The following SRBD1 variants were observed in gnomAD, a reference collection of about 807,000 sequenced individuals.
SRBD1 encodes S1 RNA binding domain 1, also known as S1 RNA-binding domain-containing protein 1.
SRBD1 carries 88 observed loss-of-function variants against 115.3 expected under a neutral mutation model. The ratio of observed to expected loss-of-function variants is 0.76; its 90% CI spans 0.64 to 0.91. SRBD1 has a LOEUF of 0.91. Among genes scored for constraint, SRBD1 ranks in the 40% least tolerant of loss-of-function variants. The pLI is 0.00. For synonymous variants in SRBD1, 509 were observed against 407.7 expected, an observed-to-expected ratio of 1.25 and a Z score of -2.99; for missense variants, 1,385 against 1,177.4, an observed-to-expected ratio of 1.18 and a Z score of -2.58.
chr2:45,595,350 T>G (rs1673861734), intron 4 of SRBD1, among the ~76,000 whole-genome samples: 2 of 152,238 alleles, frequency 1.3e-5, no homozygotes, highest in African/African-American at 2.4e-5. Flanking sequence ...ATAAATGACA[T>G]TTCCACATGT....
At chr2:45,456,410 G>C (rs1361811459) in intron 16 of SRBD1, among the ~76,000 whole-genome samples, 2 of 151,872 alleles carry the variant, frequency 1.3e-5, no homozygotes, top group African/African-American at 2.4e-5. Flanking sequence ...TTTCTTGACA[G>C]TTAAGTGATG....
chr2:45,467,036 C>T (rs921718528), intron 16 of SRBD1, among the ~76,000 whole-genome samples: 1 of 152,176 alleles, frequency 6.6e-6, no homozygotes, highest in Non-Finnish European at 1.5e-5. Context: ...GCATTAGAGA[C>T]CAGTGGTTCT....
At chr2:45,532,852 AACT>A (rs1198235653) in intron 14 of SRBD1, among the ~76,000 whole-genome samples, 1 of 152,046 alleles carries the variant, frequency 6.6e-6, no homozygotes, top group Non-Finnish European at 1.5e-5. Context: ...TGAATTCAAG[AACT>A]ACTGTTTTCA....
chr2:45,517,917 C>T (rs1671170046), intron 14 of SRBD1, among the ~76,000 whole-genome samples: 1 of 151,918 alleles, frequency 6.6e-6, no homozygotes, highest in African/African-American at 2.4e-5. Context: ...TGGAGGATCC[C>T]TTGAGCCTGG....
At chr2:45,542,613 A>G (rs907747475) in intron 14 of SRBD1, among the ~76,000 whole-genome samples, 1 of 152,214 alleles carries the variant, frequency 6.6e-6, no homozygotes. Context: ...AGATGGTACA[A>G]CCATCTTGGG....
At chr2:45,395,253 G>A (rs776270497) in intron 19 of SRBD1, among the ~76,000 whole-genome samples, 11 of 152,268 alleles carry the variant, frequency 7.2e-5, no homozygotes, top group East Asian at 1.9e-4. Context: ...ATACTAATGC[G>A]CTGTAAGTCT....
At chr2:45,419,928 G>T in intron 16 of SRBD1, 34 bp from the exon 17 acceptor site, 3 of 1,575,680 alleles carry the variant, frequency 1.9e-6, no homozygotes, top group Non-Finnish European at 2.6e-6. Context: ...TAACAGTGAA[G>T]GAGATGTAGT....
chr2:45,536,466 T>C (rs1488148110), intron 14 of SRBD1, among the ~76,000 whole-genome samples: 1 of 152,086 alleles, frequency 6.6e-6, no homozygotes, highest in Non-Finnish European at 1.5e-5. Context: ...TGTTCTCTTT[T>C]CCATAAAATT....
chr2:45,436,163 CAT>C (rs1186030729), intron 16 of SRBD1, among the ~76,000 whole-genome samples: 1 of 151,954 alleles, frequency 6.6e-6, no homozygotes, highest in East Asian at 1.9e-4. Flanking sequence ...AAAAAAATCA[CAT>C]AGTCCTAGCT....
At position 45,606,568 on chromosome 2, in the gene SRBD1, A is replaced by C. The variant is rs141825431; in HGVS notation, c.1-1127T>G. Among the ~76,000 whole-genome samples, 18 of 152,338 alleles carry C rather than the reference A, an allele frequency of 1.2e-4. No homozygotes were observed. In the East Asian group the frequency reaches 3.1e-3, roughly 26 times the overall value. ...GCAGCCAGGTTATTCTTAAAACAAGATAATCATTCCCTTATAATAAAAGTT... is the reference window on the plus strand; with the variant it reads ...GCAGCCAGGTTATTCTTAAAACAAGCTAATCATTCCCTTATAATAAAAGTT... On this transcript the variant is annotated intron_variant, in intron 1 of 20. Transcript: ENST00000263736.
chr2:45,576,666 C>T (rs779331203), intron 7 of SRBD1, among the ~76,000 whole-genome samples: 1 of 152,218 alleles, frequency 6.6e-6, no homozygotes, highest in African/African-American at 2.4e-5. Context: ...TAAACATTTG[C>T]TCTTCTGTTA....
chr2:45,546,220 C>G, intron 14 of SRBD1: 1 of 985,400 alleles, frequency 1.0e-6, no homozygotes, highest in African/African-American at 1.7e-5. Flanking sequence ...CAAAGCTATT[C>G]ACAAGTTATC....
At chr2:45,499,003 A>T (rs902714438) in intron 14 of SRBD1, among the ~76,000 whole-genome samples, 2 of 152,132 alleles carry the variant, frequency 1.3e-5, no homozygotes, top group Admixed American at 1.3e-4. Context: ...TCTTTTGGAT[A>T]TATACTTAGC....
chr2:45,595,088 G>A (rs1673853418), intron 4 of SRBD1, among the ~76,000 whole-genome samples: 1 of 152,190 alleles, frequency 6.6e-6, no homozygotes, highest in Non-Finnish European at 1.5e-5. Flanking sequence ...GAAATGAAGT[G>A]TTGCTTGATT....
intron 14 of SRBD1, among the ~76,000 whole-genome samples, chr2:45,523,062 T>C (rs1438984348): frequency 1.3e-5 from 2 of 151,984 alleles, no homozygotes; most frequent in East Asian, 1.9e-4. Flanking sequence ...ATACTCAACA[T>C]GTGTATGAAA....
chr2:45,530,696 A>G (rs1477176527), intron 14 of SRBD1, among the ~76,000 whole-genome samples: 1 of 152,012 alleles, frequency 6.6e-6, no homozygotes, highest in African/African-American at 2.4e-5. Context: ...AGCACTTCCA[A>G]CCTTTTTTCT....
At chr2:45,556,432 G>A (rs1183996837) in intron 10 of SRBD1, among the ~76,000 whole-genome samples, 2 of 141,338 alleles carry the variant, frequency 1.4e-5, no homozygotes, top group Non-Finnish European at 3.0e-5. Flanking sequence ...GATCTGTTCT[G>A]CTCTATGCTC....
At chr2:45,587,468 T>A (rs1673583669) in intron 4 of SRBD1, among the ~76,000 whole-genome samples, 2 of 152,006 alleles carry the variant, frequency 1.3e-5, no homozygotes, top group African/African-American at 4.8e-5. Context: ...TCTTTCAAAG[T>A]AAAGAACAAA....
intron 14 of SRBD1, among the ~76,000 whole-genome samples, chr2:45,538,950 T>C (rs1187136782): frequency 6.6e-6 from 1 of 152,118 alleles, no homozygotes; most frequent in African/African-American, 2.4e-5. Context: ...GAATGAAGGC[T>C]ATATCATGTA....
Sources: gnomAD v4.1 joint callset for allele counts (sites outside exome capture counted in the v4.1 genomes callset) on GRCh38, gnomAD v4.1.1 for gene constraint, MANE v1.5 for transcripts, NCBI Gene and HGNC (gene_info 2026-07-23, HGNC 2026-07-21) for gene names.